PINX1: variants seen among roughly 807,000 people sequenced by gnomAD.
PINX1 encodes PIN2 (TERF1) interacting telomerase inhibitor 1.
Under a neutral mutation model 25.4 loss-of-function variants are expected in PINX1, and 34 were observed. That is an observed-to-expected ratio of 1.34 (90% CI 1.02 to 1.78). PINX1 has a LOEUF of 1.78. Ranked by LOEUF, PINX1 falls within the 40% of genes most tolerant of loss-of-function variation. The pLI, the probability that PINX1 is intolerant of heterozygous loss-of-function variation, is 0.00. For missense variants in PINX1, 592 were observed against 404.9 expected (o/e 1.46, Z -3.97); for synonymous variants, 197 against 147.7 (o/e 1.33, Z -2.42).
intron 6 of PINX1, among the ~76,000 whole-genome samples, chr8:10,780,042 G>A (rs7814142): frequency 0.62 from 94,255 of 152,064 alleles, 30,316 homozygotes; most frequent in African/African-American, 0.78. Flanking sequence ...TGTGTATAGA[G>A]ATACCAGAGA....
chr8:10,832,955 T>C lies in PINX1; in HGVS notation c.159A>G (p.Thr53=). 6.2e-7 allele frequency: 1 copy of C among 1,611,040 alleles called. No homozygotes were observed. The highest frequency in any genetic ancestry group is 8.5e-7 in the Non-Finnish European group (1 of 1,178,272). ...KGLGAQEQGA[T]DHIKVQVKNN... ...TTTTCACTTGAACTTTAATATGATC[T>C]GTGGCTCCTTGCTCCTGAGCCCCTA... Residue 53 remains threonine (T), a synonymous_variant, in exon 3 of 7, where the codon ACA becomes ACG. Coordinates refer to ENST00000314787, the MANE Select transcript of PINX1 (RefSeq NM_017884.6).
chr8:10,825,802 C>T (rs1021506293), intron 5 of PINX1, among the ~76,000 whole-genome samples: 2 of 152,216 alleles, frequency 1.3e-5, no homozygotes, highest in Non-Finnish European at 2.9e-5. Context: ...GAAAAAACAC[C>T]ATGCAGCTAA....
intron 6 of PINX1, among the ~76,000 whole-genome samples, chr8:10,809,596 TC>T (rs1802562835): frequency 6.6e-6 from 1 of 152,334 alleles, no homozygotes; most frequent in East Asian, 1.9e-4. Context: ...CTGTGGGTTC[TC>T]TAAGCTTCTT....
Position 10,765,538 on chromosome 8 carries a change from G to T in PINX1, c.850C>A (p.Pro284Thr). ...TTCAGGGTGAAGTCCCGGCCCTCAGGCGGCTGCACATGGTCCCCTGCATCC... is the reference window on the plus strand; with the variant it reads ...TTCAGGGTGAAGTCCCGGCCCTCAGTCGGCTGCACATGGTCCCCTGCATCC... ...AQDAGDHVQP[P>T]EGRDFTLKPK... The change falls in exon 7 of 7, where the codon CCT (proline) becomes ACT (threonine). Residue 284 changes from proline to threonine, a missense_variant. Physicochemically the swap from Pro to Thr is conservative, Grantham distance 38 (BLOSUM62 -1). Transcript: ENST00000314787. 1.2e-6 allele frequency: 2 copies of T among 1,613,750 alleles called. No homozygotes were observed. The highest frequency in any genetic ancestry group is 1.7e-6 in the Non-Finnish European group (2 of 1,179,904).
intron 6 of PINX1, among the ~76,000 whole-genome samples, chr8:10,809,763 G>A (rs993439876): frequency 2.0e-5 from 3 of 152,362 alleles, no homozygotes; most frequent in East Asian, 1.9e-4. Context: ...GCTCGTCTTT[G>A]CTATGCAATC....
chr8:10,821,230 C>A (rs1193162894), intron 5 of PINX1, among the ~76,000 whole-genome samples: 1 of 152,262 alleles, frequency 6.6e-6, no homozygotes, highest in African/African-American at 2.4e-5. Context: ...CTGTAGCACA[C>A]TGCCTTGGCA....
intron 6 of PINX1, among the ~76,000 whole-genome samples, chr8:10,773,039 T>G (rs914694283): frequency 1.3e-5 from 2 of 152,192 alleles, no homozygotes; most frequent in African/African-American, 4.8e-5. Context: ...GTTTTGAATT[T>G]CCTCAGTAAA....
At position 10,765,705 on chromosome 8, in the gene PINX1, A is replaced by G; in HGVS notation, c.683T>C (p.Leu228Pro). 6.2e-7 allele frequency: 1 copy of G among 1,613,912 alleles called. No individual in the cohort carries two copies. Among genetic ancestry groups the G allele is most frequent in the African/African-American group, 1.3e-5 (1 of 75,012 alleles). Reference sequence around the variant, plus strand: ...CGTGTGCCTCTTGGCCTTAGGCTGGAGGTAACTTTCCACATCTTTACCTGT... The same window carrying G: ...CGTGTGCCTCTTGGCCTTAGGCTGGGGGTAACTTTCCACATCTTTACCTGT... ...EATGKDVESYLQPKAKRHTEG... is the reference protein window; with the variant it reads ...EATGKDVESYPQPKAKRHTEG... The change falls in exon 7 of 7, where the codon CTC becomes CCC. Residue 228 changes from leucine to proline, a missense_variant. Transcript: ENST00000314787.
intron 6 of PINX1, among the ~76,000 whole-genome samples, chr8:10,811,650 G>C (rs1233114728): frequency 6.6e-6 from 1 of 152,196 alleles, no homozygotes; most frequent in Non-Finnish European, 1.5e-5. Context: ...CGGGGAGCTG[G>C]CCAGGCACCT....
At chr8:10,836,064 A>C (rs1035334596) in intron 1 of PINX1, among the ~76,000 whole-genome samples, 7 of 152,164 alleles carry the variant, frequency 4.6e-5, no homozygotes, top group Non-Finnish European at 8.8e-5. Flanking sequence ...ACATTGTCTC[A>C]CCATCAACAC....
At chr8:10,832,760 G>A (rs747594949) in intron 3 of PINX1, 132 bp downstream of exon 3, 165 of 576,456 alleles carry the variant, frequency 2.9e-4, no homozygotes, top group East Asian at 4.5e-4. Flanking sequence ...AAGCGTCAGT[G>A]TTCAAGAGGA....
chr8:10,803,107 T>C (rs962527970), intron 6 of PINX1, among the ~76,000 whole-genome samples: 1 of 152,196 alleles, frequency 6.6e-6, no homozygotes, highest in African/African-American at 2.4e-5. Context: ...GTGCAAAAAA[T>C]TTCAAATATA....
intron 6 of PINX1, among the ~76,000 whole-genome samples, chr8:10,812,937 G>C (rs188731785): frequency 2.0e-5 from 3 of 152,334 alleles, no homozygotes; most frequent in African/African-American, 7.2e-5. Flanking sequence ...TCATCTAGCT[G>C]CTAGCAAATT....
At chr8:10,833,401 T>C in intron 2 of PINX1, 1 of 156,744 alleles carries the variant, frequency 6.4e-6, no homozygotes, top group South Asian at 1.9e-4. Flanking sequence ...CTAATTTCCA[T>C]ATTTTAAAAG....
rs1234716445 is a variant in PINX1 at position 10,831,668 on chromosome 8, T to C, written c.298A>G (p.Thr100Ala). Residue 100 changes from threonine (T) to alanine (A), a missense_variant, in exon 4 of 7, where the codon ACA (threonine) becomes GCA (alanine). By Grantham distance (58) the Thr-to-Ala change is moderately conservative. Transcript: ENST00000314787. ...ELNTCHGQET[T>A]DSSDKKEKKS... is the part of the protein sequence containing the mutation. ...TTATGTCATCTGATTTCCCTACCTG[T>C]GGTTTCCTGCCCATGGCAAGTGTTC... 6.3e-7 allele frequency: 1 copy of C among 1,590,528 alleles called. No homozygotes were observed. Among genetic ancestry groups the C allele is most frequent in the Non-Finnish European group, 8.6e-7 (1 of 1,162,120 alleles).
In PINX1 at chr8:10,839,782, C is replaced by A. The variant is rs755586842; in HGVS notation, c.-26G>T. On this transcript the variant is annotated 5_prime_UTR_variant, in exon 1 of 7. It adds an upstream start codon to the 5' untranslated region. Transcript: ENST00000314787. ...GTCGGAGAGCCTGTGATACCGCCGC[C>A]TCTGGACCTGGGTGACTGCGGCCAC... The A allele has an allele frequency of 4.4e-6, 7 of 1,598,748 alleles. No individual in the cohort carries two copies. The Admixed American group carries it at 1.2e-4, about 27-fold the overall frequency.
At chr8:10,771,783 T>G (rs549739221) in intron 6 of PINX1, among the ~76,000 whole-genome samples, 1 of 152,180 alleles carries the variant, frequency 6.6e-6, no homozygotes, top group South Asian at 2.1e-4. Flanking sequence ...GCATTTTGAG[T>G]GCAGATTCCT....
chr8:10,821,124 T>C (rs555774204), intron 5 of PINX1, among the ~76,000 whole-genome samples: 3 of 152,202 alleles, frequency 2.0e-5, no homozygotes, highest in East Asian at 1.9e-4. Flanking sequence ...GGCTTGAGGC[T>C]CTGGGCGAGG....
chr8:10,823,576 T>A (rs1220918613), intron 5 of PINX1, among the ~76,000 whole-genome samples: 1 of 151,998 alleles, frequency 6.6e-6, no homozygotes, highest in Non-Finnish European at 1.5e-5. Context: ...ATAAGTATGA[T>A]AAAACTGACA....
Sources: allele counts gnomAD v4.1 joint callset (sites outside exome capture counted in the v4.1 genomes callset), GRCh38; gene constraint gnomAD v4.1.1; transcripts MANE v1.5; gene names NCBI Gene and HGNC (gene_info 2026-07-23, HGNC 2026-07-21).